Variants in FUZ observed in about 807,000 individuals in gnomAD.
FUZ encodes protein fuzzy homolog.
A neutral mutation model predicts 43.1 loss-of-function variants in FUZ; 31 were observed. The observed-to-expected ratio is 0.72, with a 90% confidence interval of 0.54 to 0.97. The LOEUF is 0.97. FUZ is among the 50% of genes least tolerant of loss of function. The probability of loss-of-function intolerance (pLI) is 0.00; values close to 1 mark genes in which losing one functional copy is unlikely to be tolerated. For missense variants in FUZ, 539 were observed against 543.8 expected (o/e 0.99, Z 0.09); for synonymous variants, 274 against 250.0 (o/e 1.10, Z -0.91).
intron 1 of FUZ, 95 bp downstream of exon 1, chr19:49,812,901 C>G (rs979461040): frequency 7.3e-7 from 1 of 1,365,316 alleles, no homozygotes; most frequent in Non-Finnish European, 1.0e-6. Flanking sequence ...CCTACAAATT[C>G]AACACTGAAA....
chr19:49,812,500 A>G, intron 2 of FUZ, 115 bp downstream of exon 2: 4 of 1,487,382 alleles, frequency 2.7e-6, no homozygotes, highest in Non-Finnish European at 3.7e-6. Context: ...GGCTTGCTAA[A>G]GATCCCATAG....
intron 5 of FUZ, chr19:49,811,095 G>A (rs186845109): frequency 3.5e-5 from 18 of 513,978 alleles, no homozygotes; most frequent in African/African-American, 1.9e-4. Flanking sequence ...AGGCTGCAGT[G>A]AGCCGAGATG....
At chr19:49,812,127 A>G in intron 3 of FUZ, 124 bp downstream of exon 3, 1 of 762,840 alleles carries the variant, frequency 1.3e-6, no homozygotes, top group Non-Finnish European at 2.3e-6. Context: ...CAAACAAACA[A>G]ACAAAAGATT....
Position 49,809,758 on chromosome 19 carries a change from C to A in FUZ, c.493-183G>T, listed in dbSNP as rs1030710847. ...CTTCACTTTCATACGAAGTCACATCCCCAACTCACACTGTGAAGTCTGTGA... is the reference window on the plus strand; with the variant it reads ...CTTCACTTTCATACGAAGTCACATCACCAACTCACACTGTGAAGTCTGTGA... On this transcript the variant is annotated intron_variant, in intron 5 of 10. Coordinates refer to ENST00000313777, the MANE Select transcript of FUZ (RefSeq NM_025129.5). The surrounding 1 kb of genome is among the most constrained non-coding windows in gnomAD (Gnocchi z 5.1). 1 of 645,940 alleles carries A rather than the reference C, an allele frequency of 1.5e-6. No homozygotes were observed. The highest frequency in any genetic ancestry group is 1.8e-5 in the African/African-American group (1 of 55,856). 40.0% of individuals were successfully genotyped at this position (645,940 alleles called of 1,614,324 possible).
At chr19:49,810,457 G>T (rs764669308) in intron 5 of FUZ, among the ~76,000 whole-genome samples, 2 of 150,964 alleles carry the variant, frequency 1.3e-5, no homozygotes, top group Non-Finnish European at 3.0e-5. Flanking sequence ...GGTGGATCAC[G>T]AGGTCAGGCG....
rs766676944 is a variant in FUZ, at chr19:49,809,443, C to A, written c.625G>T (p.Val209Leu). ...GCGGTCTGCGGCGGCAGGGACCCCA[C>A]CAGCCAGGGGAGCAGCACGGCCTCG... ...TPEAVLLPWL[V>L]GSLPPQTARD... Residue 209 changes from valine (V) to leucine (L), a missense_variant, in exon 6 of 11, where the codon GTG (valine) becomes TTG (leucine). Physicochemically the swap from Val to Leu is conservative, Grantham distance 32. Coordinates refer to ENST00000313777, the MANE Select transcript of FUZ (RefSeq NM_025129.5). The surrounding 1 kb of genome is among the most constrained non-coding windows in gnomAD (Gnocchi z 5.1). The A allele has an allele frequency of 8.5e-5, 132 of 1,548,086 alleles. No homozygotes were observed. The highest frequency in any genetic ancestry group is 1.1e-4 in the Non-Finnish European group (128 of 1,149,872).
Position 49,809,829 on chromosome 19 carries a change from A to C in FUZ, c.493-254T>G. ...CTGGGCGGGCAAACTGAAGCTAATA[A>C]TGTAACCGCAGCAGCTACCGTTCAT... On this transcript the variant is annotated intron_variant, in intron 5 of 10. Coordinates refer to ENST00000313777, the MANE Select transcript of FUZ (RefSeq NM_025129.5). The surrounding 1 kb of genome is among the most constrained non-coding windows in gnomAD (Gnocchi z 5.1). 3.5e-6 allele frequency: 2 copies of C among 570,826 alleles called. No individual in the cohort carries two copies. Among genetic ancestry groups the C allele is most frequent in the East Asian group, 6.0e-5 (2 of 33,484 alleles). The allele number at this position is 570,826 out of a possible 1,614,324, so 35.4% of individuals were successfully genotyped here.
In FUZ at chr19:49,807,310, G is replaced by C. The variant is rs200083871; in HGVS notation, c.1098C>G (p.Tyr366Ter). ...VYQAQLPRAC[Y>*]LVLGTEEPGT... Reference sequence around the variant, plus strand: ...CTGGTTCCTCAGTCCCCAACACCAGGTAGCAAGCTCTGGGCAGCTGGGCCT... The same window carrying C: ...CTGGTTCCTCAGTCCCCAACACCAGCTAGCAAGCTCTGGGCAGCTGGGCCT... The change falls in exon 11 of 11, where the codon TAC becomes TAG. Residue 366 changes from tyrosine to a stop codon, truncating the protein, a stop_gained. Transcript: ENST00000313777. LOFTEE classifies it high-confidence loss of function. The C allele has an allele frequency of 6.2e-7, 1 of 1,613,510 alleles. No individual in the cohort carries two copies. The highest frequency in any genetic ancestry group is 8.5e-7 in the Non-Finnish European group (1 of 1,179,974).
chr19:49,808,718 C>A lies in FUZ; in HGVS notation c.892G>T (p.Gly298Trp). ...CCACTCCCTCCATCCGAGCCCTACC[C>A]GAGGATGTCTGTGTGAAGGGGGAAG... ...SGFPLHTDIL[G>W]LLLLHLELKR... The change falls in exon 8 of 11, where the codon GGG becomes TGG. Residue 298 changes from glycine (G) to tryptophan (W), a missense_variant and splice_region_variant. Transcript: ENST00000313777. The A allele has an allele frequency of 6.3e-7, 1 of 1,593,396 alleles. No homozygotes were observed. Among genetic ancestry groups the A allele is most frequent in the Non-Finnish European group, 8.5e-7 (1 of 1,170,018 alleles).
At chr19:49,808,321 G>T in intron 10 of FUZ, 93 bp downstream of exon 10, 1 of 1,324,944 alleles carries the variant, frequency 7.5e-7, no homozygotes, top group East Asian at 2.5e-5. Context: ...GGGTTCCTCC[G>T]GATCCTCCAA....
chr19:49,807,444 G>C, intron 10 of FUZ, 70 bp from the exon 11 acceptor site: 2 of 1,465,952 alleles, frequency 1.4e-6, no homozygotes, highest in Non-Finnish European at 9.4e-7. Context: ...ACCACATCCT[G>C]ATCCCAAGTT....
chr19:49,812,142 G>T, intron 3 of FUZ, 109 bp downstream of exon 3: 1 of 781,778 alleles, frequency 1.3e-6, no homozygotes, highest in Non-Finnish European at 2.2e-6. Flanking sequence ...AAGATTCCTG[G>T]GTTCTGAGGA....
chr19:49,812,993 C>T lies in FUZ; in HGVS notation c.111+3G>A, dbSNP rs111464194. 8.7e-5 allele frequency: 135 copies of T among 1,550,622 alleles called. No individual in the cohort carries two copies. In the African/African-American group the frequency reaches 1.4e-3, roughly 16 times the overall value. ...GTTTAGATACAGGCGTCCAAGGCCC[C>T]ACCTGCTGACGGGCGGGGGCGCCGC... On this transcript the variant is annotated splice_donor_region_variant and intron_variant, in intron 1 of 10. Coordinates refer to ENST00000313777, the MANE Select transcript of FUZ (RefSeq NM_025129.5).
In FUZ at chr19:49,806,926, G is replaced by A; in HGVS notation, c.*225C>T. 1.3e-6 allele frequency: 2 copies of A among 1,535,210 alleles called. No homozygotes were observed. The highest frequency in any genetic ancestry group is 1.7e-6 in the Non-Finnish European group (2 of 1,146,884). On this transcript the variant is annotated 3_prime_UTR_variant, in exon 11 of 11. Coordinates refer to ENST00000313777, the MANE Select transcript of FUZ (RefSeq NM_025129.5). Reference sequence around the variant, plus strand: ...GTATTTTTATTTTTGTTCATCTGCTGCTGTTTACATTCTGGGGGGTTAGGG... The same window carrying A: ...GTATTTTTATTTTTGTTCATCTGCTACTGTTTACATTCTGGGGGGTTAGGG...
In FUZ at chr19:49,813,012, G is replaced by A; in HGVS notation, c.95C>T (p.Ala32Val). 1 of 1,551,024 alleles carries A rather than the reference G, an allele frequency of 6.4e-7. No individual in the cohort carries two copies. The highest frequency in any genetic ancestry group is 8.7e-7 in the Non-Finnish European group (1 of 1,146,918). ...AGGCCCCACCTGCTGACGGGCGGGGGCGCCGCCGCGACTGCTCCTGCAGAA... is the reference window on the plus strand; with the variant it reads ...AGGCCCCACCTGCTGACGGGCGGGGACGCCGCCGCGACTGCTCCTGCAGAA... The part of the protein sequence containing the change: ...PLFCRSSRGG[A>V]PARQQLPFSV... The change falls in exon 1 of 11, where the codon GCC becomes GTC. Residue 32 changes from alanine to valine, a missense_variant. By Grantham distance (64) the Ala-to-Val change is moderately conservative. Transcript: ENST00000313777.
Position 49,808,833 on chromosome 19 carries a change from G to A in FUZ, c.787-10C>T. On this transcript the variant is annotated splice_polypyrimidine_tract_variant and intron_variant, in intron 7 of 10. Coordinates refer to ENST00000313777, the MANE Select transcript of FUZ (RefSeq NM_025129.5). ...ACCAGCGCTCCAGAAGCTGCAGGGG[G>A]CGTGGTCATTGTGAGGTCGTCATGG... 6.5e-7 allele frequency: 1 copy of A among 1,543,864 alleles called. No homozygotes were observed. Among genetic ancestry groups the A allele is most frequent in the Non-Finnish European group, 8.7e-7 (1 of 1,146,616 alleles).
chr19:49,813,055 A>G lies in FUZ; in HGVS notation c.52T>C (p.Ser18Pro). ...CTGCAGAATAGGGGGACCCCGCTGGAGGCCGCGAGGCACAGCAGATGCACA... is the reference window on the plus strand; with the variant it reads ...CTGCAGAATAGGGGGACCCCGCTGGGGGCCGCGAGGCACAGCAGATGCACA... ...GTVHLLCLAA[S>P]SGVPLFCRSS... Residue 18 changes from serine (S) to proline (P), a missense_variant, in exon 1 of 11, where the codon TCC (serine) becomes CCC (proline). Coordinates refer to ENST00000313777, the MANE Select transcript of FUZ (RefSeq NM_025129.5). 6.4e-7 allele frequency: 1 copy of G among 1,551,340 alleles called. No individual in the cohort carries two copies. The highest frequency in any genetic ancestry group is 2.4e-5 in the East Asian group (1 of 40,926).
Position 49,806,891 on chromosome 19 carries a change from C to T in FUZ, c.*260G>A. ...TTTGGGGGATGCCTGGGACTTTCCT[C>T]CGGCCTTTTGTATTTTTATTTTTGT... On this transcript the variant is annotated 3_prime_UTR_variant, in exon 11 of 11. Transcript: ENST00000313777. 3.9e-6 allele frequency: 6 copies of T among 1,546,344 alleles called. No homozygotes were observed. The highest frequency in any genetic ancestry group is 5.2e-6 in the Non-Finnish European group (6 of 1,150,646).
chr19:49,808,088 A>C, intron 10 of FUZ: 1 of 409,690 alleles, frequency 2.4e-6, no homozygotes, highest in Non-Finnish European at 4.6e-6. Flanking sequence ...TAATATGGGA[A>C]TGATGAGGTA....
Sources: allele counts gnomAD v4.1 joint callset (sites outside exome capture counted in the v4.1 genomes callset), GRCh38; gene constraint gnomAD v4.1.1; non-coding constraint Gnocchi (gnomAD v3.1); transcripts MANE v1.5; gene names NCBI Gene and HGNC (gene_info 2026-07-23, HGNC 2026-07-21).